FYN: variants seen among roughly 807,000 people sequenced by gnomAD.
FYN encodes the protein tyrosine-protein kinase Fyn.
FYN carries 10 observed loss-of-function variants against 70.2 expected under a neutral mutation model. The ratio of observed to expected loss-of-function variants is 0.14; its 90% CI spans 0.09 to 0.24. FYN has a LOEUF of 0.24. Ranked by LOEUF, FYN falls within the 10% of genes least tolerant of loss-of-function variation. The pLI is 1.00. For missense variants in FYN, 319 were observed against 673.1 expected (o/e 0.47, Z 5.82); for synonymous variants, 236 against 248.6 (o/e 0.95, Z 0.48).
At chr6:111,699,828 T>C (rs1799748047) in intron 9 of FYN, 1 of 751,258 alleles carries the variant, frequency 1.3e-6, no homozygotes. Flanking sequence ...AGCTGGAACA[T>C]TCCTTGGACC....
At chr6:111,793,144 A>G (rs983258006) in intron 2 of FYN, among the ~76,000 whole-genome samples, 1 of 152,240 alleles carries the variant, frequency 6.6e-6, no homozygotes, top group Non-Finnish European at 1.5e-5. Context: ...TAAGCAAGAT[A>G]ATTTGAAAAT....
chr6:111,849,401 C>T (rs796958877), intron 1 of FYN, among the ~76,000 whole-genome samples: 13 of 152,328 alleles, frequency 8.5e-5, no homozygotes, highest in African/African-American at 2.9e-4. Context: ...TCCAGCTCCC[C>T]GTCACCCCCC....
At chr6:111,787,336 T>A (rs1771431807) in intron 2 of FYN, among the ~76,000 whole-genome samples, 1 of 152,192 alleles carries the variant, frequency 6.6e-6, no homozygotes. Context: ...CTTTCCCCAT[T>A]TCTTGTTTCT....
intron 13 of FYN, among the ~76,000 whole-genome samples, chr6:111,667,110 T>C (rs1011627339): frequency 2.6e-5 from 4 of 152,236 alleles, no homozygotes; most frequent in Non-Finnish European, 5.9e-5. Flanking sequence ...ACTCTGACTC[T>C]GTAGGGTTGC....
intron 4 of FYN, among the ~76,000 whole-genome samples, chr6:111,716,126 G>A (rs752286945): frequency 6.6e-6 from 1 of 152,242 alleles, no homozygotes; most frequent in South Asian, 2.1e-4. Flanking sequence ...GGTCAGCTGT[G>A]TATGATCAGT....
intron 2 of FYN, among the ~76,000 whole-genome samples, chr6:111,796,629 C>T (rs1771813949): frequency 6.6e-6 from 1 of 152,182 alleles, no homozygotes; most frequent in South Asian, 2.1e-4. Flanking sequence ...TACTTTTTAT[C>T]ATACATCCAA....
At chr6:111,790,858 G>C (rs1771592388) in intron 2 of FYN, among the ~76,000 whole-genome samples, 2 of 152,106 alleles carry the variant, frequency 1.3e-5, no homozygotes, top group Non-Finnish European at 2.9e-5. Context: ...TCCAACAAAA[G>C]ATATGTAAGA....
At chr6:111,758,364 G>T (rs953878684) in intron 3 of FYN, among the ~76,000 whole-genome samples, 2 of 152,136 alleles carry the variant, frequency 1.3e-5, no homozygotes, top group Middle Eastern at 3.2e-3. Flanking sequence ...AATGATGTGC[G>T]TGACTATCTC....
chr6:111,736,032 C>T (rs963958125), intron 3 of FYN, among the ~76,000 whole-genome samples: 6 of 152,168 alleles, frequency 3.9e-5, no homozygotes, highest in African/African-American at 2.4e-5. Context: ...GGTAACACCA[C>T]AGATAGACAT....
chr6:111,748,834 T>C (rs779093990), intron 3 of FYN, among the ~76,000 whole-genome samples: 10 of 152,240 alleles, frequency 6.6e-5, no homozygotes, highest in Non-Finnish European at 1.2e-4. Context: ...GCTTTTTAAA[T>C]GTGGCTACTC....
At chr6:111,780,541 T>C (rs1426469365) in intron 3 of FYN, 25 bp downstream of exon 3, 2 of 152,606 alleles carry the variant, frequency 1.3e-5, no homozygotes, top group African/African-American at 4.8e-5. Flanking sequence ...CAAGAGGCAT[T>C]AGAAGTAAAT....
intron 3 of FYN, among the ~76,000 whole-genome samples, chr6:111,770,876 GACCCAA>G (rs1803424020): frequency 1.3e-5 from 2 of 152,102 alleles, no homozygotes; most frequent in Non-Finnish European, 1.5e-5. Context: ...AGCTGCCCAT[GACCCAA>G]ATACCTCCCA....
chr6:111,699,631 G>A lies in FYN; in HGVS notation c.862+473C>T, dbSNP rs1473660068. The stretch of plus-strand genomic sequence containing the variant: ...AGAAGTTTGTGGGGTACAACTCGAT[G>A]CAATCACAGTTAAGTTAAAACACAA... On this transcript the variant is annotated intron_variant, in intron 9 of 13. Coordinates refer to ENST00000354650, the MANE Select transcript of FYN (RefSeq NM_002037.5). 3 of 1,613,904 alleles carry A rather than the reference G, an allele frequency of 1.9e-6. No individual in the cohort carries two copies. The African/African-American group carries it at 4.0e-5, about 22-fold the overall frequency.
At chr6:111,807,471 T>C (rs1772184805) in intron 2 of FYN, among the ~76,000 whole-genome samples, 1 of 152,230 alleles carries the variant, frequency 6.6e-6, no homozygotes, top group African/African-American at 2.4e-5. Context: ...TACTGTATTT[T>C]TAAAGGATAG....
At chr6:111,742,623 T>C (rs984165733) in intron 3 of FYN, among the ~76,000 whole-genome samples, 2 of 152,234 alleles carry the variant, frequency 1.3e-5, no homozygotes, top group African/African-American at 4.8e-5. Flanking sequence ...AATTTGCACA[T>C]GTTCTGTGCA....
intron 3 of FYN, among the ~76,000 whole-genome samples, chr6:111,752,810 GGAA>G (rs978657154): frequency 2.0e-5 from 3 of 152,178 alleles, no homozygotes; most frequent in African/African-American, 7.2e-5. Context: ...AAAGATGCTA[GGAA>G]GAAGTTTTAG....
intron 2 of FYN, among the ~76,000 whole-genome samples, chr6:111,809,315 G>A (rs1433073165): frequency 2.6e-5 from 4 of 152,144 alleles, no homozygotes; most frequent in African/African-American, 9.7e-5. Flanking sequence ...AGGAGGCATC[G>A]CGATTGATTG....
chr6:111,724,584 C>T (rs1225869050), intron 3 of FYN, among the ~76,000 whole-genome samples: 1 of 152,228 alleles, frequency 6.6e-6, no homozygotes, highest in Non-Finnish European at 1.5e-5. Context: ...AAAAAGGCCA[C>T]TGGCAGTCTT....
At position 111,661,352 on chromosome 6, in the gene FYN, C is replaced by CTT. The variant is rs879303037; in HGVS notation, c.*385_*386dup. ...AAGAGGCCACTTTTGGAAAATAATA[C>CTT]TTTTTTTTTTTTAGTTGAATCAGGT... On this transcript the variant is annotated 3_prime_UTR_variant, in exon 14 of 14. Transcript: ENST00000354650. This position sits in a 1 kb window ranked among gnomAD's most constrained non-coding sequence, Gnocchi z 4.0. 1.2e-4 allele frequency: 18 copies of CTT among 151,452 alleles called. No homozygotes were observed. Among genetic ancestry groups the CTT allele is most frequent in the Non-Finnish European group, 2.6e-4 (18 of 70,066 alleles). 9.4% of individuals were successfully genotyped at this position (151,452 alleles called of 1,614,324 possible).
Sources: gnomAD v4.1 joint callset for allele counts (sites outside exome capture counted in the v4.1 genomes callset) on GRCh38, gnomAD v4.1.1 for gene constraint, Gnocchi (gnomAD v3.1) non-coding constraint, MANE v1.5 for transcripts, NCBI Gene and HGNC (gene_info 2026-07-23, HGNC 2026-07-21) for gene names.